TFEB: variants seen among roughly 807,000 people sequenced by gnomAD.
TFEB encodes transcription factor EB.
A neutral mutation model predicts 48.0 loss-of-function variants in TFEB; 12 were observed. The ratio of observed to expected loss-of-function variants is 0.25; its 90% CI spans 0.16 to 0.40. The LOEUF is 0.40. Ranked by LOEUF, TFEB falls within the 10% of genes least tolerant of loss-of-function variation. TFEB has a pLI of 1.00. For missense variants in TFEB, 509 were observed against 640.3 expected (o/e 0.79, Z 2.21); for synonymous variants, 244 against 261.4 (o/e 0.93, Z 0.64).
At position 41,730,148 on chromosome 6, in the gene TFEB, C is replaced by T. The variant is rs1475973740; in HGVS notation, c.-23+5202G>A. Among the ~76,000 whole-genome samples, 2 of 152,056 alleles carry T rather than the reference C, an allele frequency of 1.3e-5. No individual in the cohort carries two copies. The highest frequency in any genetic ancestry group is 2.4e-5 in the African/African-American group (1 of 41,404). On this transcript the variant is annotated intron_variant, in intron 1 of 8. Coordinates refer to ENST00000373033, the MANE Select transcript of TFEB (RefSeq NM_001271944.2). This position sits in a 1 kb window ranked among gnomAD's most constrained non-coding sequence, Gnocchi z 4.1. ...AAAAAAAAAAAATTAAATAAAGATG[C>T]CTAGGCCCCTCCCCAAGAGATTCAG... is the stretch of plus-strand genomic sequence containing the variant.
In TFEB at chr6:41,691,601, C is replaced by T. The variant is rs1303213129; in HGVS notation, c.-22-366G>A. ...CTGCCACAAGGTGGGCCCAGCCTAT[C>T]CTGGGTCTTACCTGGAATCCCGCAG... On this transcript the variant is annotated intron_variant, in intron 1 of 8. Coordinates refer to ENST00000373033, the MANE Select transcript of TFEB (RefSeq NM_001271944.2). The surrounding 1 kb of genome is among the most constrained non-coding windows in gnomAD (Gnocchi z 5.2). The T allele has an allele frequency of 9.1e-6, 4 of 440,898 alleles. No homozygotes were observed. Among genetic ancestry groups the T allele is most frequent in the Non-Finnish European group, 1.7e-5 (4 of 234,688 alleles). 27.3% of individuals were successfully genotyped at this position (440,898 alleles called of 1,614,324 possible). A position where few individuals can be genotyped will look rare whatever the true frequency, so the allele number is the denominator to read the frequency against.
chr6:41,685,989 T>C, intron 8 of TFEB, 101 bp downstream of exon 8: 1 of 1,475,600 alleles, frequency 6.8e-7, no homozygotes, highest in South Asian at 1.2e-5. Context: ...ATGGGCATTA[T>C]TCCTGTGTCT....
At chr6:41,705,037 C>T (rs1210735362) in intron 1 of TFEB, among the ~76,000 whole-genome samples, 1 of 152,226 alleles carries the variant, frequency 6.6e-6, no homozygotes, top group East Asian at 1.9e-4. Context: ...TTCATGCAAA[C>T]ACCACCTCTC....
At chr6:41,721,187 T>C (rs1770963376) in intron 1 of TFEB, among the ~76,000 whole-genome samples, 1 of 152,124 alleles carries the variant, frequency 6.6e-6, no homozygotes, top group Non-Finnish European at 1.5e-5. Flanking sequence ...GGGCCCTGAT[T>C]CTCCAGTCAG....
intron 7 of TFEB, 182 bp from the exon 8 acceptor site, chr6:41,686,419 C>T: frequency 1.6e-6 from 1 of 624,242 alleles, no homozygotes; most frequent in Non-Finnish European, 2.7e-6. Context: ...ACTTCTGTTG[C>T]CACTGCCCAC....
chr6:41,690,941 C>G (rs1195618244), intron 2 of TFEB, 24 bp from the exon 3 acceptor site: 2 of 1,573,098 alleles, frequency 1.3e-6, no homozygotes, highest in South Asian at 1.2e-5. Context: ...AAGGCAAGGG[C>G]TCTAGGGGAG....
At chr6:41,704,633 A>G (rs767465572) in intron 1 of TFEB, among the ~76,000 whole-genome samples, 17 of 152,206 alleles carry the variant, frequency 1.1e-4, no homozygotes, top group African/African-American at 1.7e-4. Context: ...TCTGCATTTT[A>G]ACAAACTGCC....
In TFEB at chr6:41,721,616, C is replaced by T. The variant is rs7744351; in HGVS notation, c.-23+13734G>A. ...GCCCAACTATCTGCCTGGCGCGTGGCCCTCTCTACAACAGGCGCCTAATAA... is the reference window on the plus strand; with the variant it reads ...GCCCAACTATCTGCCTGGCGCGTGGTCCTCTCTACAACAGGCGCCTAATAA... On this transcript the variant is annotated intron_variant, in intron 1 of 8. Coordinates refer to ENST00000373033, the MANE Select transcript of TFEB (RefSeq NM_001271944.2). Among the ~76,000 whole-genome samples the T allele has an allele frequency of 4.0e-3, 606 of 152,316 alleles. 4 individuals are homozygous for T. Among genetic ancestry groups the T allele is most frequent in the African/African-American group, 0.014 (581 of 41,558 alleles).
In TFEB at chr6:41,686,099, G is replaced by C. The variant is rs754454361; in HGVS notation, c.942C>G (p.Leu314=). 1 of 1,614,260 alleles carries C rather than the reference G, an allele frequency of 6.2e-7. No homozygotes were observed. Residue 314 remains leucine (L), a synonymous_variant, in exon 8 of 9, where the codon CTC becomes CTG. Transcript: ENST00000373033. The part of the protein sequence containing the change: ...RLEMTNKQLW[L]RIQELEMQAR... ...AAGTTCAGGACCAGACCTGGATACG[G>C]AGCCAGAGCTGCTTGTTGGTCATCT...
chr6:41,696,793 A>G (rs1432497777), intron 1 of TFEB, among the ~76,000 whole-genome samples: 1 of 152,260 alleles, frequency 6.6e-6, no homozygotes. Context: ...TACACATGAC[A>G]TAGATGACTC....
chr6:41,714,591 T>G (rs1770650001), intron 1 of TFEB, among the ~76,000 whole-genome samples: 1 of 152,204 alleles, frequency 6.6e-6, no homozygotes, highest in Non-Finnish European at 1.5e-5. Context: ...GAGCACTTAC[T>G]ACATGCCAGC....
intron 1 of TFEB, among the ~76,000 whole-genome samples, chr6:41,703,294 C>T (rs373920148): frequency 6.6e-6 from 1 of 152,196 alleles, no homozygotes; most frequent in South Asian, 2.1e-4. Flanking sequence ...CAAACCCAGC[C>T]GCAGGCCCAG....
At position 41,691,992 on chromosome 6, in the gene TFEB, C is replaced by G. The variant is rs1056114964; in HGVS notation, c.-22-757G>C. ...TTCCCTCTGCCTGGAATGCTCTCCC[C>G]CCAGATGACATCATGGCTCACTCCT... is the stretch of plus-strand genomic sequence containing the variant. On this transcript the variant is annotated intron_variant, in intron 1 of 8. Transcript: ENST00000373033. The surrounding 1 kb of genome is among the most constrained non-coding windows in gnomAD (Gnocchi z 5.2). Among the ~76,000 whole-genome samples, 3 of 152,128 alleles carry G rather than the reference C, an allele frequency of 2.0e-5. No homozygotes were observed. Among genetic ancestry groups the G allele is most frequent in the African/African-American group, 7.2e-5 (3 of 41,410 alleles).
chr6:41,727,676 A>T (rs1771270479), intron 1 of TFEB, among the ~76,000 whole-genome samples: 2 of 152,222 alleles, frequency 1.3e-5, no homozygotes, highest in Non-Finnish European at 1.5e-5. Context: ...TGGGCAACAC[A>T]GAGAGACCCT....
chr6:41,689,907 G>A (rs1395930224), intron 3 of TFEB, 96 bp from the exon 4 acceptor site: 5 of 916,724 alleles, frequency 5.5e-6, no homozygotes, highest in East Asian at 2.5e-5. Context: ...GGACCTTGGA[G>A]CCCACCTCAC....
At chr6:41,709,255 G>A (rs1203882781) in intron 1 of TFEB, among the ~76,000 whole-genome samples, 1 of 152,194 alleles carries the variant, frequency 6.6e-6, no homozygotes, top group African/African-American at 2.4e-5. Flanking sequence ...ACCTAGTCAA[G>A]CTGAATCCCA....
chr6:41,718,240 G>A (rs753122499), intron 1 of TFEB, among the ~76,000 whole-genome samples: 4 of 151,880 alleles, frequency 2.6e-5, no homozygotes, highest in East Asian at 3.9e-4. Context: ...ACAGGGTCTC[G>A]CTCTGTCACC....
intron 1 of TFEB, among the ~76,000 whole-genome samples, chr6:41,728,776 G>A (rs183674357): frequency 7.7e-4 from 117 of 152,224 alleles, no homozygotes; most frequent in Admixed American, 2.0e-3. Flanking sequence ...ATCACTGTGC[G>A]GGGAGGGAGA....
rs1445320425 is a variant in TFEB, at chr6:41,720,013, C to T, written c.-23+15337G>A. Among the ~76,000 whole-genome samples, 1 of 152,202 alleles carries T rather than the reference C, an allele frequency of 6.6e-6. No homozygotes were observed. Among genetic ancestry groups the T allele is most frequent in the African/African-American group, 2.4e-5 (1 of 41,454 alleles). On this transcript the variant is annotated intron_variant, in intron 1 of 8. Transcript: ENST00000373033. The surrounding 1 kb of genome is among the most constrained non-coding windows in gnomAD (Gnocchi z 4.1). ...AAAAGTGCTTAGCACAGCGCTGGCACACAGGAGTGCCAATATATGTGACCT... is the reference window on the plus strand; with the variant it reads ...AAAAGTGCTTAGCACAGCGCTGGCATACAGGAGTGCCAATATATGTGACCT...
Sources: allele counts gnomAD v4.1 joint callset (sites outside exome capture counted in the v4.1 genomes callset), GRCh38; gene constraint gnomAD v4.1.1; non-coding constraint Gnocchi (gnomAD v3.1); transcripts MANE v1.5; gene names NCBI Gene and HGNC (gene_info 2026-07-23, HGNC 2026-07-21).